Variants in IGF2BP2 observed in about 807,000 individuals in gnomAD.
IGF2BP2 encodes insulin like growth factor 2 mRNA binding protein 2, also known as insulin-like growth factor 2 mRNA-binding protein 2.
In IGF2BP2, 17 loss-of-function variants were observed where a neutral mutation model predicts 75.8. That is an observed-to-expected ratio of 0.22 (90% CI 0.15 to 0.34). The LOEUF is 0.34. Among genes scored for constraint, IGF2BP2 ranks in the 10% least tolerant of loss-of-function variants. The probability of loss-of-function intolerance (pLI) is 1.00; values close to 1 mark genes in which losing one functional copy is unlikely to be tolerated. For missense variants in IGF2BP2, 516 were observed against 772.4 expected (o/e 0.67, Z 3.93); for synonymous variants, 288 against 295.6 (o/e 0.97, Z 0.26).
intron 2 of IGF2BP2, among the ~76,000 whole-genome samples, chr3:185,821,908 A>G (rs752846089): frequency 1.8e-4 from 27 of 152,140 alleles, no homozygotes; most frequent in Non-Finnish European, 3.4e-4. Context: ...CTTATTGAAA[A>G]CCAATTGGTT....
chr3:185,752,816 C>T (rs896716183), intron 2 of IGF2BP2, among the ~76,000 whole-genome samples: 14 of 152,080 alleles, frequency 9.2e-5, no homozygotes, highest in African/African-American at 4.8e-5. Flanking sequence ...AGGCTGGTCT[C>T]GAACTCCTAA....
intron 2 of IGF2BP2, among the ~76,000 whole-genome samples, chr3:185,782,415 T>G (rs1207631113): frequency 6.6e-6 from 1 of 152,144 alleles, no homozygotes; most frequent in Non-Finnish European, 1.5e-5. Context: ...AAGCATCATG[T>G]GTTTGCTTCA....
rs961294682 is a variant in IGF2BP2 at position 185,687,216 on chromosome 3, T to C, written c.678-25A>G. On this transcript the variant is annotated intron_variant, in intron 6 of 15. Transcript: ENST00000382199. ...CCTGTAGGAAAAGAATCAGGAGCCA[T>C]GATTACAAGGTCATCTGGATAGGAC... 10 of 1,592,560 alleles carry C rather than the reference T, an allele frequency of 6.3e-6. No homozygotes were observed. In the East Asian group the frequency reaches 1.3e-4, roughly 21 times the overall value.
chr3:185,657,253 G>T, intron 12 of IGF2BP2, 33 bp downstream of exon 12: 1 of 1,484,476 alleles, frequency 6.7e-7, no homozygotes, highest in Non-Finnish European at 9.4e-7. Flanking sequence ...GGAGGTGGTA[G>T]AAGGGCCACA....
chr3:185,770,277 T>G (rs1006497536), intron 2 of IGF2BP2, among the ~76,000 whole-genome samples: 1 of 152,130 alleles, frequency 6.6e-6, no homozygotes, highest in African/African-American at 2.4e-5. Flanking sequence ...TCAGGACTGG[T>G]CGAGCAGGAC....
At chr3:185,779,068 T>TA (rs1244169779) in intron 2 of IGF2BP2, among the ~76,000 whole-genome samples, 3 of 150,078 alleles carry the variant, frequency 2.0e-5, no homozygotes, top group African/African-American at 7.5e-5. Context: ...GGTAGGCAGA[T>TA]ATGGAACAAA....
At chr3:185,760,811 T>C (rs977880617) in intron 2 of IGF2BP2, among the ~76,000 whole-genome samples, 1 of 152,218 alleles carries the variant, frequency 6.6e-6, no homozygotes, top group Non-Finnish European at 1.5e-5. Context: ...CTTTTTGCTA[T>C]GGCTGTTAGA....
At chr3:185,690,273 TCATA>T (rs1013274992) in intron 5 of IGF2BP2, among the ~76,000 whole-genome samples, 31 of 152,238 alleles carry the variant, frequency 2.0e-4, no homozygotes, top group African/African-American at 7.2e-4. Context: ...ATTTTAATCA[TCATA>T]CATATTATTG....
At chr3:185,823,328 G>A (rs1395091161) in intron 1 of IGF2BP2, 115 bp from the exon 2 acceptor site, 5 of 691,388 alleles carry the variant, frequency 7.2e-6, no homozygotes, top group Non-Finnish European at 1.2e-5. Flanking sequence ...GCCCCCAAGG[G>A]GTCTCCTACC....
intron 10 of IGF2BP2, among the ~76,000 whole-genome samples, chr3:185,666,814 T>TA (rs1717713276): frequency 6.6e-6 from 1 of 152,150 alleles, no homozygotes; most frequent in East Asian, 1.9e-4. Flanking sequence ...AAAATGAAGT[T>TA]AAAAACTTAT....
intron 2 of IGF2BP2, among the ~76,000 whole-genome samples, chr3:185,733,471 G>A (rs901886045): frequency 1.3e-5 from 2 of 152,138 alleles, no homozygotes; most frequent in Non-Finnish European, 1.5e-5. Flanking sequence ...ATAAATCAGA[G>A]CCAGACTGGG....
chr3:185,666,748 A>C (rs1386848040), intron 10 of IGF2BP2, among the ~76,000 whole-genome samples: 1 of 152,200 alleles, frequency 6.6e-6, no homozygotes, highest in Admixed American at 6.5e-5. Context: ...AATACACATA[A>C]AAAGAAAAAT....
chr3:185,788,925 C>A (rs901642814), intron 2 of IGF2BP2, among the ~76,000 whole-genome samples: 4 of 152,050 alleles, frequency 2.6e-5, no homozygotes, highest in Admixed American at 2.6e-4. Context: ...GTTGCCCAGG[C>A]TGGTCTCAAA....
intron 2 of IGF2BP2, among the ~76,000 whole-genome samples, chr3:185,795,636 T>C (rs1358621378): frequency 6.6e-6 from 1 of 152,214 alleles, no homozygotes; most frequent in Non-Finnish European, 1.5e-5. Context: ...ATCCCAGCAA[T>C]TTGGGAGGCC....
intron 1 of IGF2BP2, among the ~76,000 whole-genome samples, chr3:185,824,119 G>A (rs890210398): frequency 2.0e-5 from 3 of 152,012 alleles, no homozygotes; most frequent in African/African-American, 7.2e-5. Flanking sequence ...AAGCGAGAGG[G>A]GACTGAGGTT....
chr3:185,801,959 T>C (rs1252031262), intron 2 of IGF2BP2, among the ~76,000 whole-genome samples: 3 of 151,826 alleles, frequency 2.0e-5, no homozygotes, highest in Non-Finnish European at 2.9e-5. Context: ...AAGTGGGAGT[T>C]GAATGAGAAC....
intron 2 of IGF2BP2, among the ~76,000 whole-genome samples, chr3:185,808,320 CAA>C (rs35188816): frequency 5.2e-4 from 77 of 148,982 alleles, no homozygotes; most frequent in Non-Finnish European, 1.0e-3. Context: ...ACTAAAAATA[CAA>C]AAAAAAAATT....
rs116219113 is a variant in IGF2BP2 at position 185,759,168 on chromosome 3, A to G, written c.240-60821T>C. Among the ~76,000 whole-genome samples, 1,267 of 152,318 alleles carry G rather than the reference A, an allele frequency of 8.3e-3. 3 individuals carry two copies. The highest frequency in any genetic ancestry group is 0.012 in the Non-Finnish European group (817 of 68,042). On this transcript the variant is annotated intron_variant, in intron 2 of 15. Transcript: ENST00000382199. ...GGATACCAATGCAATACATGTTACT[A>G]TGAATAAGAGTGCCAGTCTTCACAA...
chr3:185,786,115 C>A (rs1390359849), intron 2 of IGF2BP2, among the ~76,000 whole-genome samples: 1 of 151,920 alleles, frequency 6.6e-6, no homozygotes, highest in Non-Finnish European at 1.5e-5. Flanking sequence ...CATTACCACC[C>A]ACTACCCCCG....
Sources: allele counts gnomAD v4.1 joint callset (sites outside exome capture counted in the v4.1 genomes callset), GRCh38; gene constraint gnomAD v4.1.1; transcripts MANE v1.5; gene names NCBI Gene and HGNC (gene_info 2026-07-23, HGNC 2026-07-21).